The following NXNL2 variants were observed in gnomAD, a reference collection of about 807,000 sequenced individuals.
NXNL2 encodes the protein nucleoredoxin like 2.
NXNL2 carries 7 observed loss-of-function variants against 11.1 expected under a neutral mutation model. The ratio of observed to expected loss-of-function variants is 0.63; its 90% CI spans 0.36 to 1.18. The LOEUF (loss-of-function observed/expected upper bound fraction) is 1.18. NXNL2 is among the 50% of genes most tolerant of loss of function. The pLI is 0.02. For missense variants in NXNL2, 233 were observed against 217.7 expected (o/e 1.07, Z -0.44); for synonymous variants, 109 against 101.8 (o/e 1.07, Z -0.42).
intron 1 of NXNL2, among the ~76,000 whole-genome samples, chr9:88,558,198 G>T (rs1587849553): frequency 6.6e-6 from 1 of 152,162 alleles, no homozygotes; most frequent in African/African-American, 2.4e-5. Flanking sequence ...GGGAAGAGGG[G>T]CTGAAGATTG....
At position 88,535,642 on chromosome 9, in the gene NXNL2, G is replaced by A. The variant is rs1332524705; in HGVS notation, c.208G>A (p.Val70Met). ...RRPAPFEVVFVSADGSSQEML... is the reference protein window; with the variant it reads ...RRPAPFEVVFMSADGSSQEML... ...GCCCGCGCCCTTCGAAGTGGTCTTCGTGTCAGCCGACGGCAGCTCCCAGGA... is the reference window on the plus strand; with the variant it reads ...GCCCGCGCCCTTCGAAGTGGTCTTCATGTCAGCCGACGGCAGCTCCCAGGA... Residue 70 changes from valine to methionine, a missense_variant, in exon 1 of 2, where the codon GTG becomes ATG. By Grantham distance (21) the Val-to-Met change is conservative. Coordinates refer to ENST00000375854, the MANE Select transcript of NXNL2 (RefSeq NM_001161625.2). The A allele has an allele frequency of 6.2e-7, 1 of 1,608,784 alleles. No individual in the cohort carries two copies. Among genetic ancestry groups the A allele is most frequent in the East Asian group, 2.2e-5 (1 of 44,840 alleles).
At chr9:88,563,408 C>T (rs976229771) in intron 1 of NXNL2, among the ~76,000 whole-genome samples, 1 of 152,226 alleles carries the variant, frequency 6.6e-6, no homozygotes, top group Admixed American at 6.5e-5. Context: ...GTGGAGTCAT[C>T]TCCAGTGCCT....
chr9:88,569,951 T>C (rs1176790849), intron 1 of NXNL2, among the ~76,000 whole-genome samples: 1 of 152,312 alleles, frequency 6.6e-6, no homozygotes, highest in Non-Finnish European at 1.5e-5. Context: ...AGCAATGTGC[T>C]GTCTTTTCTG....
chr9:88,565,320 T>C (rs995848030), intron 1 of NXNL2, among the ~76,000 whole-genome samples: 1 of 152,218 alleles, frequency 6.6e-6, no homozygotes, highest in Non-Finnish European at 1.5e-5. Flanking sequence ...GCAGGGGACA[T>C]GGGACTGCAG....
chr9:88,576,022 G>A (rs916804786), downstream of NXNL2, among the ~76,000 whole-genome samples: 1 of 152,032 alleles, frequency 6.6e-6, no homozygotes, highest in African/African-American at 2.4e-5. Flanking sequence ...GTGAAATCCC[G>A]TCTCTACTAA....
chr9:88,543,719 A>G (rs915247836), intron 1 of NXNL2, among the ~76,000 whole-genome samples: 1 of 152,270 alleles, frequency 6.6e-6, no homozygotes, highest in African/African-American at 2.4e-5. Context: ...AATTTAAATT[A>G]AAAGTTAATT....
chr9:88,580,513 C>CT (rs975508603), downstream of NXNL2, among the ~76,000 whole-genome samples: 6 of 151,524 alleles, frequency 4.0e-5, no homozygotes, highest in Non-Finnish European at 5.9e-5. Context: ...GAGCTTCTCT[C>CT]TTTTTTTTTC....
intron 1 of NXNL2, among the ~76,000 whole-genome samples, chr9:88,582,658 C>CTCTT (rs959872333): frequency 1.5e-4 from 20 of 136,390 alleles, no homozygotes; most frequent in East Asian, 7.8e-4. Flanking sequence ...CTCCCTCTCT[C>CTCTT]TCTTTCTTTC....
At chr9:88,569,257 C>T (rs79406758) in intron 1 of NXNL2, among the ~76,000 whole-genome samples, 8,791 of 152,220 alleles carry the variant, frequency 0.058, 432 homozygotes, top group African/African-American at 0.12. Flanking sequence ...AATGTTTTTT[C>T]CATACAAGTC....
At chr9:88,578,709 T>C (rs371539307), downstream of NXNL2, among the ~76,000 whole-genome samples, 43 of 152,352 alleles carry the variant, frequency 2.8e-4, no homozygotes, top group East Asian at 7.3e-3. Flanking sequence ...TCCGGAAGGC[T>C]GGGCGCTCAG....
intron 2 of NXNL2, chr9:88,574,943 C>T (rs1039275632): frequency 1.9e-5 from 3 of 157,974 alleles, no homozygotes; most frequent in African/African-American, 7.2e-5. Context: ...TGCTGTTTTT[C>T]CAAAGGGCAC....
chr9:88,579,603 G>GC (rs1830387398), downstream of NXNL2, among the ~76,000 whole-genome samples: 1 of 152,178 alleles, frequency 6.6e-6, no homozygotes, highest in Non-Finnish European at 1.5e-5. Context: ...TGTCACCAGG[G>GC]CCAAGGAGAC....
At chr9:88,552,478 T>TTC (rs1829950763) in intron 1 of NXNL2, among the ~76,000 whole-genome samples, 1 of 150,662 alleles carries the variant, frequency 6.6e-6, no homozygotes, top group African/African-American at 2.5e-5. Flanking sequence ...TGCATGTTTT[T>TTC]TTTTTTTTTT....
At chr9:88,561,416 A>G (rs1830083937) in intron 1 of NXNL2, among the ~76,000 whole-genome samples, 1 of 152,114 alleles carries the variant, frequency 6.6e-6, no homozygotes, top group Admixed American at 6.6e-5. Context: ...CTCTTTATCT[A>G]TCATCTATCT....
At chr9:88,573,336 G>A (rs368044836) in intron 2 of NXNL2, among the ~76,000 whole-genome samples, 22 of 152,036 alleles carry the variant, frequency 1.4e-4, no homozygotes, top group African/African-American at 2.4e-4. Context: ...TAGAGAAGGC[G>A]TTTTGCCATG....
At chr9:88,536,466 G>A (rs560040305) in intron 1 of NXNL2, among the ~76,000 whole-genome samples, 1 of 151,424 alleles carries the variant, frequency 6.6e-6, no homozygotes, top group Non-Finnish European at 1.5e-5. Context: ...CTGCTTTTGG[G>A]GTGGGTCTCC....
chr9:88,557,902 A>G lies in NXNL2; in HGVS notation c.303-13185A>G, dbSNP rs56914966. Among the ~76,000 whole-genome samples, 80 of 152,152 alleles carry G rather than the reference A, an allele frequency of 5.3e-4. No homozygotes were observed. In the East Asian group the frequency reaches 0.014, roughly 27 times the overall value. On this transcript the variant is annotated intron_variant, in intron 1 of 2. Transcript: ENST00000375855. ...TTTCCAGGAAATTTCCCCTGCAACAATTTTTCTGCCCTTGCTTCATTCAGC... is the reference window on the plus strand; with the variant it reads ...TTTCCAGGAAATTTCCCCTGCAACAGTTTTTCTGCCCTTGCTTCATTCAGC...
At chr9:88,543,050 G>GA (rs1829791673) in intron 1 of NXNL2, among the ~76,000 whole-genome samples, 1 of 152,172 alleles carries the variant, frequency 6.6e-6, no homozygotes, top group Non-Finnish European at 1.5e-5. Context: ...AAGATTACGA[G>GA]AACTGCAAAA....
At chr9:88,544,318 C>A in intron 1 of NXNL2, 61 bp from the exon 2 acceptor site, 1 of 1,438,572 alleles carries the variant, frequency 7.0e-7, no homozygotes, top group Non-Finnish European at 9.5e-7. Flanking sequence ...AGGGAGGGGG[C>A]GTGTCCCTTC....
Sources: gnomAD v4.1 joint callset for allele counts (sites outside exome capture counted in the v4.1 genomes callset) on GRCh38, gnomAD v4.1.1 for gene constraint, MANE v1.5 for transcripts, NCBI Gene and HGNC (gene_info 2026-07-23, HGNC 2026-07-21) for gene names.